The following SLC43A2 variants were observed in gnomAD, a reference collection of about 807,000 sequenced individuals.
The protein encoded by SLC43A2 is large neutral amino acids transporter small subunit 4.
In SLC43A2, 38 loss-of-function variants were observed where a neutral mutation model predicts 63.2. The ratio of observed to expected loss-of-function variants is 0.60; its 90% CI spans 0.46 to 0.79. SLC43A2 has a LOEUF of 0.79. Ranked by LOEUF, SLC43A2 falls within the 30% of genes least tolerant of loss-of-function variation. The probability of loss-of-function intolerance (pLI) is 0.00; values close to 1 mark genes in which losing one functional copy is unlikely to be tolerated. For synonymous variants in SLC43A2, 322 were observed against 331.0 expected (o/e 0.97, Z 0.30); for missense variants, 644 against 756.2 (o/e 0.85, Z 1.74).
At chr17:1,599,224 C>G (rs772254873) in intron 5 of SLC43A2, among the ~76,000 whole-genome samples, 1 of 151,880 alleles carries the variant, frequency 6.6e-6, no homozygotes, top group Non-Finnish European at 1.5e-5. Context: ...CCTGTAGTCC[C>G]AGGTACTTGG....
intron 9 of SLC43A2, 38 bp downstream of exon 9, chr17:1,590,764 G>T: frequency 6.5e-7 from 1 of 1,548,522 alleles, no homozygotes; most frequent in Non-Finnish European, 8.7e-7. Flanking sequence ...GGCTCAGGCC[G>T]GGGAGTGACA....
chr17:1,599,205 C>T (rs558637093), intron 5 of SLC43A2, among the ~76,000 whole-genome samples: 156 of 151,600 alleles, frequency 1.0e-3, no homozygotes, highest in African/African-American at 3.2e-3. Context: ...CCGGGTGTGG[C>T]GGCGTGCACC....
At chr17:1,579,126 G>A (rs1194266641) in intron 11 of SLC43A2, among the ~76,000 whole-genome samples, 1 of 129,470 alleles carries the variant, frequency 7.7e-6, no homozygotes, top group African/African-American at 3.1e-5. Flanking sequence ...GTGACAAAGT[G>A]AGACTCTGTC....
chr17:1,574,856 T>C lies in SLC43A2; in HGVS notation c.*748A>G, dbSNP rs2151024147. 6.6e-6 allele frequency: 1 copy of C among 151,770 alleles called. No homozygotes were observed. Among genetic ancestry groups the C allele is most frequent in the East Asian group, 1.9e-4 (1 of 5,182 alleles). The allele number at this position is 151,770 out of a possible 1,614,324, so 9.4% of individuals were successfully genotyped here. On this transcript the variant is annotated 3_prime_UTR_variant, in exon 14 of 14. Transcript: ENST00000301335. ...GTCCACCTCCACAAAAGCAGCTGTG[T>C]GTATGTACGGGGTGCCCTGGCGGCG...
At chr17:1,598,236 C>G (rs1905519439) in intron 5 of SLC43A2, among the ~76,000 whole-genome samples, 1 of 152,172 alleles carries the variant, frequency 6.6e-6, no homozygotes, top group Non-Finnish European at 1.5e-5. Context: ...GCTTGGCCAA[C>G]ACAGTGAAAC....
rs199501622 is a variant in SLC43A2, at chr17:1,590,883, C to T, written c.997G>A (p.Val333Ile). The T allele has an allele frequency of 9.7e-6, 15 of 1,553,368 alleles. No individual in the cohort carries two copies. The highest frequency in any genetic ancestry group is 5.9e-5 in the Admixed American group (3 of 51,024). ...ILLLSLVTMC[V>I]TQLRLIFYMG... is the part of the protein sequence containing the mutation. Reference sequence around the variant, plus strand: ...TAGAAGATGAGCCGCAGCTGCGTGACGCACATGGTGACCAGGCTGAGCAGC... The same window carrying T: ...TAGAAGATGAGCCGCAGCTGCGTGATGCACATGGTGACCAGGCTGAGCAGC... Residue 333 changes from valine to isoleucine, a missense_variant, in exon 9 of 14, where the codon GTC becomes ATC. Transcript: ENST00000301335.
At position 1,616,572 on chromosome 17, in the gene SLC43A2, G is replaced by A. The variant is rs1907684527; in HGVS notation, c.358C>T (p.Leu120=). ...GGGACCCACACTGACCTGCCCAGCA[G>A]CCTGAGCTTCCTCGGGCCATACTTG... ...MDKYGPRKLR[L]LGSACFAVSC... Residue 120 remains leucine, a synonymous_variant, in exon 3 of 14, where the codon CTG becomes TTG. Transcript: ENST00000301335. 3 of 1,611,748 alleles carry A rather than the reference G, an allele frequency of 1.9e-6. No individual in the cohort carries two copies.
chr17:1,591,292 A>G lies in SLC43A2; in HGVS notation c.908T>C (p.Val303Ala). Residue 303 changes from valine to alanine, a missense_variant, in exon 8 of 14, where the codon GTG becomes GCG. Coordinates refer to ENST00000301335, the MANE Select transcript of SLC43A2 (RefSeq NM_152346.3). ...ACCTGCGGCATCCGGCTGGCACTTC[A>G]CCTCCAGGTCGACGGTGGACAGGCA... ...KLCLSTVDLE[V>A]KCQPDAAVAP... 1 of 1,605,512 alleles carries G rather than the reference A, an allele frequency of 6.2e-7. No homozygotes were observed. The highest frequency in any genetic ancestry group is 8.5e-7 in the Non-Finnish European group (1 of 1,179,858).
chr17:1,580,404 G>T (rs938107929), intron 11 of SLC43A2, among the ~76,000 whole-genome samples: 19 of 152,234 alleles, frequency 1.2e-4, no homozygotes, highest in African/African-American at 4.3e-4. Context: ...GCAAGAGGTT[G>T]CTGACCACGG....
At chr17:1,592,456 C>T (rs906116433) in intron 6 of SLC43A2, among the ~76,000 whole-genome samples, 4 of 152,096 alleles carry the variant, frequency 2.6e-5, no homozygotes, top group African/African-American at 4.8e-5. Context: ...GAAGAACTTT[C>T]GGGATGCTCC....
intron 2 of SLC43A2, among the ~76,000 whole-genome samples, chr17:1,626,477 A>T (rs1339668182): frequency 6.6e-6 from 1 of 152,180 alleles, no homozygotes; most frequent in African/African-American, 2.4e-5. Flanking sequence ...GCTAAAGGTT[A>T]GTTATAAATG....
chr17:1,586,927 A>AGGGGCCC, intron 9 of SLC43A2: 3 of 1,355,946 alleles, frequency 2.2e-6, no homozygotes, highest in Non-Finnish European at 3.0e-6. Flanking sequence ...TTCCCTGACA[A>AGGGGCCC]TCCCCCCCAC....
At position 1,615,662 on chromosome 17, in the gene SLC43A2, T is replaced by C. The variant is rs542083809; in HGVS notation, c.369-628A>G. ...ATCGAGACCATCCTGGCTAACACAG[T>C]GAAACCCCGTCTCTACTAAAAATAC... On this transcript the variant is annotated intron_variant, in intron 3 of 13. Coordinates refer to ENST00000301335, the MANE Select transcript of SLC43A2 (RefSeq NM_152346.3). Among the ~76,000 whole-genome samples the C allele has an allele frequency of 4.8e-4, 71 of 149,042 alleles. 1 individual carries two copies. The South Asian group carries it at 0.015, about 31-fold the overall frequency.
intron 4 of SLC43A2, among the ~76,000 whole-genome samples, chr17:1,614,580 T>C (rs182760311): frequency 8.5e-5 from 13 of 152,160 alleles, no homozygotes; most frequent in African/African-American, 2.9e-4. Flanking sequence ...TTGAACAGGG[T>C]TGGGGACCAG....
At chr17:1,585,534 C>A in intron 10 of SLC43A2, 1 of 545,694 alleles carries the variant, frequency 1.8e-6, no homozygotes, top group Non-Finnish European at 2.9e-6. Flanking sequence ...GCATGAACCA[C>A]CCTCCCTGGC....
chr17:1,591,648 C>A lies in SLC43A2; in HGVS notation c.646G>T (p.Gly216Cys), dbSNP rs935113811. Reference protein sequence around the residue: ...SFIVVLVVWAGCSGLVFLNCF... With the variant: ...SFIVVLVVWACCSGLVFLNCF... ...TTGAGGAAAACCAGCCCGGAGCAGC[C>A]GGCCCAGACCACGAGGACGACGATG... The change falls in exon 7 of 14, where the codon GGC becomes TGC. Residue 216 changes from glycine to cysteine, a missense_variant. Transcript: ENST00000301335. 1.3e-6 allele frequency: 2 copies of A among 1,547,918 alleles called. No individual in the cohort carries two copies. The highest frequency in any genetic ancestry group is 2.0e-5 in the Admixed American group (1 of 50,696).
chr17:1,575,939 G>A (rs1036752939), intron 13 of SLC43A2, among the ~76,000 whole-genome samples, 174 bp from the exon 14 acceptor site: 17 of 152,320 alleles, frequency 1.1e-4, no homozygotes, highest in Admixed American at 3.9e-4. Flanking sequence ...CTCTTCACAG[G>A]CCATGTGGCC....
intron 5 of SLC43A2, among the ~76,000 whole-genome samples, chr17:1,597,364 G>A (rs1905396360): frequency 6.6e-6 from 1 of 151,418 alleles, no homozygotes; most frequent in South Asian, 2.1e-4. Context: ...AATTAGCCAG[G>A]CATGGTGACG....
At chr17:1,614,782 C>G (rs572689146) in intron 4 of SLC43A2, among the ~76,000 whole-genome samples, 197 bp downstream of exon 4, 1 of 152,176 alleles carries the variant, frequency 6.6e-6, no homozygotes, top group East Asian at 1.9e-4. Context: ...CCTGGAAGCT[C>G]CTGTCTGGGG....
Sources: allele counts gnomAD v4.1 joint callset (sites outside exome capture counted in the v4.1 genomes callset), GRCh38; gene constraint gnomAD v4.1.1; transcripts MANE v1.5; gene names NCBI Gene and HGNC (gene_info 2026-07-23, HGNC 2026-07-21).